The following ROBO2 variants were observed in gnomAD, a reference collection of about 807,000 sequenced individuals.
The protein encoded by ROBO2 is roundabout homolog 2.
Under a neutral mutation model 160.8 loss-of-function variants are expected in ROBO2, and 53 were observed. That is an observed-to-expected ratio of 0.33 (90% CI 0.26 to 0.41). The LOEUF (loss-of-function observed/expected upper bound fraction) is 0.41. Ranked by LOEUF, ROBO2 falls within the 10% of genes least tolerant of loss-of-function variation. The probability of loss-of-function intolerance (pLI) is 1.00; values close to 1 mark genes in which losing one functional copy is unlikely to be tolerated. For synonymous variants in ROBO2, 664 were observed against 611.7 expected (o/e 1.09, Z -1.26); for missense variants, 1,577 against 1,722.4 (o/e 0.92, Z 1.49).
chr3:77,501,377 G>C (rs1362572956), intron 5 of ROBO2, among the ~76,000 whole-genome samples: 1 of 152,072 alleles, frequency 6.6e-6, no homozygotes, highest in Non-Finnish European at 1.5e-5. Context: ...TTTGTGGTTA[G>C]AATCATGCAA....
chr3:77,597,377 G>A (rs1215659774), intron 19 of ROBO2, among the ~76,000 whole-genome samples: 1 of 152,106 alleles, frequency 6.6e-6, no homozygotes, highest in Non-Finnish European at 1.5e-5. Flanking sequence ...AAAATTTGGT[G>A]CCAGAGTCCT....
chr3:76,430,365 A>G (rs1311500837), intron 2 of ROBO2, among the ~76,000 whole-genome samples: 1 of 152,196 alleles, frequency 6.6e-6, no homozygotes, highest in Non-Finnish European at 1.5e-5. Context: ...ATAGTCATTT[A>G]GTGATCACAA....
chr3:76,645,388 C>T (rs2090913979), intron 2 of ROBO2, among the ~76,000 whole-genome samples: 1 of 152,118 alleles, frequency 6.6e-6, no homozygotes, highest in Non-Finnish European at 1.5e-5. Context: ...AGTTCTTAGG[C>T]CCAGCTGAAC....
At chr3:76,564,137 C>T (rs1196951471) in intron 2 of ROBO2, among the ~76,000 whole-genome samples, 1 of 152,170 alleles carries the variant, frequency 6.6e-6, no homozygotes, top group South Asian at 2.1e-4. Context: ...ACCTGGGAGG[C>T]GGAAGTTGCA....
chr3:77,545,141 C>T (rs943145140), intron 6 of ROBO2, among the ~76,000 whole-genome samples: 1 of 152,078 alleles, frequency 6.6e-6, no homozygotes, highest in African/African-American at 2.4e-5. Context: ...CTACATTCAT[C>T]AGAGGGTTAA....
intron 2 of ROBO2, among the ~76,000 whole-genome samples, chr3:76,757,531 A>G (rs570398268): frequency 6.6e-6 from 1 of 151,952 alleles, no homozygotes; most frequent in African/African-American, 2.4e-5. Context: ...TGGACTTCTC[A>G]GAAATATCAC....
At chr3:77,133,570 G>A (rs2076033204) in intron 2 of ROBO2, among the ~76,000 whole-genome samples, 2 of 151,832 alleles carry the variant, frequency 1.3e-5, no homozygotes, top group Admixed American at 1.3e-4. Flanking sequence ...TTTTGCAAAA[G>A]GCAAAGAAAC....
chr3:76,743,761 G>A (rs2093840661), intron 2 of ROBO2, among the ~76,000 whole-genome samples: 1 of 151,260 alleles, frequency 6.6e-6, no homozygotes, highest in Non-Finnish European at 1.5e-5. Context: ...ATATTGCATG[G>A]AACATAACAG....
intron 2 of ROBO2, among the ~76,000 whole-genome samples, chr3:76,647,441 C>T (rs568564517): frequency 2.0e-5 from 3 of 152,270 alleles, no homozygotes; most frequent in South Asian, 4.1e-4. Flanking sequence ...TCAAACGTCA[C>T]AAAGCCGGAT....
intron 2 of ROBO2, among the ~76,000 whole-genome samples, chr3:76,621,007 C>T (rs1017443193): frequency 1.3e-5 from 2 of 152,150 alleles, no homozygotes; most frequent in African/African-American, 4.8e-5. Context: ...GCACGGCTGA[C>T]TCTGTTGCGA....
chr3:76,993,607 A>G (rs1209795266), intron 2 of ROBO2, among the ~76,000 whole-genome samples: 1 of 152,148 alleles, frequency 6.6e-6, no homozygotes, highest in Non-Finnish European at 1.5e-5. Context: ...GGTAAGTGTG[A>G]ATTGTTTAGT....
At chr3:76,249,331 C>CAGGCAACTGATTGGGA (rs1164191574) in intron 2 of ROBO2, among the ~76,000 whole-genome samples, 1 of 151,982 alleles carries the variant, frequency 6.6e-6, no homozygotes, top group African/African-American at 2.4e-5. Context: ...ATTCTCAAGG[C>CAGGCAACTGATTGGGA]AGGCAACTGA....
chr3:77,426,504 A>G (rs2078219426), intron 2 of ROBO2, among the ~76,000 whole-genome samples: 1 of 151,868 alleles, frequency 6.6e-6, no homozygotes, highest in South Asian at 2.1e-4. Flanking sequence ...TATATAGATA[A>G]TTGAAGGTAT....
rs2074508562 is a variant in ROBO2, at chr3:76,893,393, C to A, written c.110-204621C>A. ...GAATTCATTTAATTCATTTTTAGATCATTGGGGAAGAGCAGGATGGCTAGG... is the reference window on the plus strand; with the variant it reads ...GAATTCATTTAATTCATTTTTAGATAATTGGGGAAGAGCAGGATGGCTAGG... On this transcript the variant is annotated intron_variant, in intron 2 of 26. Coordinates refer to the ROBO2 transcript ENST00000487694. 2.0e-5 allele frequency among the ~76,000 whole-genome samples: 3 copies of A among 151,794 alleles called. No individual in the cohort carries two copies. In the South Asian group the frequency reaches 6.3e-4, roughly 32 times the overall value.
At chr3:76,729,608 ACACATGTATTTCTTTTCTGTCTCTCTCT>A (rs1442000851) in intron 2 of ROBO2, among the ~76,000 whole-genome samples, 2 of 151,100 alleles carry the variant, frequency 1.3e-5, no homozygotes, top group East Asian at 3.9e-4. Context: ...CCTGTTGAGT[ACACATGTATTTCTTTTCTGTCTCTCTCT>A]CTCTTTTTTT....
intron 2 of ROBO2, among the ~76,000 whole-genome samples, chr3:76,321,898 C>A (rs1175777027): frequency 6.6e-6 from 1 of 151,944 alleles, no homozygotes; most frequent in East Asian, 1.9e-4. Flanking sequence ...ACTTTTCCCT[C>A]ATTACATTTG....
intron 2 of ROBO2, among the ~76,000 whole-genome samples, chr3:77,007,308 G>A (rs974987897): frequency 6.6e-6 from 1 of 152,032 alleles, no homozygotes; most frequent in Admixed American, 6.5e-5. Context: ...ACAGATACAT[G>A]CATTTTCTCA....
At chr3:76,682,610 C>T (rs1192965971) in intron 2 of ROBO2, among the ~76,000 whole-genome samples, 1 of 152,026 alleles carries the variant, frequency 6.6e-6, no homozygotes, top group Non-Finnish European at 1.5e-5. Flanking sequence ...ATTTCACCAT[C>T]TTGGCCAGGC....
chr3:75,973,884 C>G (rs528968965), intron 2 of ROBO2, among the ~76,000 whole-genome samples: 2 of 151,062 alleles, frequency 1.3e-5, no homozygotes, highest in East Asian at 2.0e-4. Context: ...ATTAATTACC[C>G]AGGGTTAGAA....
Sources: allele counts gnomAD v4.1 joint callset (sites outside exome capture counted in the v4.1 genomes callset), GRCh38; gene constraint gnomAD v4.1.1; transcripts MANE v1.5; gene names NCBI Gene and HGNC (gene_info 2026-07-23, HGNC 2026-07-21).